The following STUM variants were observed in gnomAD, a reference collection of about 807,000 sequenced individuals.
STUM encodes the protein stum, mechanosensory transduction mediator homolog.
STUM carries 8 observed loss-of-function variants against 15.3 expected under a neutral mutation model. The ratio of observed to expected loss-of-function variants is 0.52; its 90% CI spans 0.31 to 0.94. STUM has a LOEUF of 0.94. Ranked by LOEUF, STUM falls within the 40% of genes least tolerant of loss-of-function variation. STUM has a pLI of 0.05. For missense variants in STUM, 142 were observed against 204.9 expected (o/e 0.69, Z 1.87); for synonymous variants, 78 against 88.7 (o/e 0.88, Z 0.68).
chr1:226,553,505 G>A (rs946418828), intron 1 of STUM, among the ~76,000 whole-genome samples: 1 of 152,202 alleles, frequency 6.6e-6, no homozygotes, highest in East Asian at 1.9e-4. Flanking sequence ...TAAATGGAGT[G>A]GGAAGAAATT....
rs1668367733 is a variant in STUM at position 226,606,831 on chromosome 1, G to A, written c.*4791G>A. Reference sequence around the variant, plus strand: ...AGGGCTCAATGAGCAGCCAGGTAGTGGCCTCGGGCAGTCCTCACCAGGGGG... The same window carrying A: ...AGGGCTCAATGAGCAGCCAGGTAGTAGCCTCGGGCAGTCCTCACCAGGGGG... On this transcript the variant is annotated 3_prime_UTR_variant, in exon 4 of 4. Transcript: ENST00000366788. 1 of 152,246 alleles carries A rather than the reference G, an allele frequency of 6.6e-6. No individual in the cohort carries two copies. The highest frequency in any genetic ancestry group is 2.1e-4 in the South Asian group (1 of 4,828). 9.4% of individuals were successfully genotyped at this position (152,246 alleles called of 1,614,324 possible). A position where few individuals can be genotyped will look rare whatever the true frequency, so the allele number is the denominator to read the frequency against.
intron 1 of STUM, among the ~76,000 whole-genome samples, chr1:226,592,109 G>A (rs1419205715): frequency 6.6e-6 from 1 of 152,186 alleles, no homozygotes; most frequent in Admixed American, 6.5e-5. Flanking sequence ...GTACAGTGGA[G>A]CATTCTTGGC....
intron 1 of STUM, among the ~76,000 whole-genome samples, chr1:226,579,971 T>C (rs1667893158): frequency 6.6e-6 from 1 of 152,188 alleles, no homozygotes; most frequent in African/African-American, 2.4e-5. Flanking sequence ...AGGATAATCA[T>C]ATCTGCATCT....
At chr1:226,561,944 G>A (rs2102689188) in intron 1 of STUM, among the ~76,000 whole-genome samples, 1 of 148,876 alleles carries the variant, frequency 6.7e-6, no homozygotes, top group South Asian at 2.2e-4. Context: ...TGCATTGTGT[G>A]ATTCCACTGA....
chr1:226,569,563 C>A (rs111736712), intron 1 of STUM, among the ~76,000 whole-genome samples: 4,050 of 152,258 alleles, frequency 0.027, 160 homozygotes, highest in African/African-American at 0.09. Flanking sequence ...TCCCTTGGGA[C>A]GCTTGGTAAA....
rs540490327 is a variant in STUM, at chr1:226,598,903, G to A, written c.383-1763G>A. On this transcript the variant is annotated intron_variant, in intron 2 of 3. Transcript: ENST00000366788. ...TGCTGATAAAGACATATCCAAGACTGGGAAGAAAAAGAGGCTTAATGCACT... is the reference window on the plus strand; with the variant it reads ...TGCTGATAAAGACATATCCAAGACTAGGAAGAAAAAGAGGCTTAATGCACT... 1.1e-4 allele frequency among the ~76,000 whole-genome samples: 16 copies of A among 152,314 alleles called. No individual in the cohort carries two copies. The South Asian group carries it at 3.1e-3, about 30-fold the overall frequency.
intron 2 of STUM, among the ~76,000 whole-genome samples, chr1:226,599,745 G>T (rs1377708881): frequency 6.6e-6 from 1 of 152,206 alleles, no homozygotes; most frequent in Non-Finnish European, 1.5e-5. Context: ...ACCCTGTCTT[G>T]GTCATGGGTC....
rs1668314664 is a variant in STUM at position 226,604,014 on chromosome 1, A to C, written c.*1974A>C. 1 of 152,264 alleles carries C rather than the reference A, an allele frequency of 6.6e-6. No individual in the cohort carries two copies. Among genetic ancestry groups the C allele is most frequent in the South Asian group, 2.1e-4 (1 of 4,834 alleles). 9.4% of individuals were successfully genotyped at this position (152,264 alleles called of 1,614,324 possible). A position where few individuals can be genotyped will look rare whatever the true frequency, so the allele number is the denominator to read the frequency against. ...TCAGAGTGGAGCTGCCCCTCTACTC[A>C]GATAAAATAGCTTCAGCTGCAGGAA... On this transcript the variant is annotated 3_prime_UTR_variant, in exon 4 of 4. Coordinates refer to ENST00000366788, the MANE Select transcript of STUM (RefSeq NM_001003665.4). The surrounding 1 kb of genome is among the most constrained non-coding windows in gnomAD (Gnocchi z 4.7).
At position 226,575,208 on chromosome 1, in the gene STUM, G is replaced by T. The variant is rs1238529225; in HGVS notation, c.203-21594G>T. ...TGACCACTGCTCTGCACCTCACAGT[G>T]ATTTGTGAGGACTAGATCAGGCCTA... On this transcript the variant is annotated intron_variant, in intron 1 of 3. Coordinates refer to ENST00000366788, the MANE Select transcript of STUM (RefSeq NM_001003665.4). Among the ~76,000 whole-genome samples, 3 of 152,230 alleles carry T rather than the reference G, an allele frequency of 2.0e-5. No individual in the cohort carries two copies. In the East Asian group the frequency reaches 5.8e-4, roughly 29 times the overall value.
intron 2 of STUM, among the ~76,000 whole-genome samples, chr1:226,599,956 A>G (rs1170213595): frequency 6.6e-6 from 1 of 152,208 alleles, no homozygotes; most frequent in Non-Finnish European, 1.5e-5. Flanking sequence ...TCCCCAAAGT[A>G]TTTTTATATA....
intron 1 of STUM, among the ~76,000 whole-genome samples, chr1:226,560,305 C>G (rs997044416): frequency 6.6e-6 from 1 of 152,190 alleles, no homozygotes; most frequent in African/African-American, 2.4e-5. Flanking sequence ...ACACCTTAAT[C>G]CAGGTGCTCT....
chr1:226,579,552 G>A (rs1667884934), intron 1 of STUM, among the ~76,000 whole-genome samples: 2 of 152,158 alleles, frequency 1.3e-5, no homozygotes, highest in Non-Finnish European at 2.9e-5. Flanking sequence ...GGCCGTGGAG[G>A]CCTCCCCAGG....
At position 226,565,416 on chromosome 1, in the gene STUM, G is replaced by A. The variant is rs1667605812; in HGVS notation, c.202+16310G>A. Among the ~76,000 whole-genome samples the A allele has an allele frequency of 6.6e-6, 1 of 152,104 alleles. No homozygotes were observed. Among genetic ancestry groups the A allele is most frequent in the Admixed American group, 6.5e-5 (1 of 15,272 alleles). On this transcript the variant is annotated intron_variant, in intron 1 of 3. Transcript: ENST00000366788. The surrounding 1 kb of genome is among the most constrained non-coding windows in gnomAD (Gnocchi z 4.4). ...TTAGCACCCCTGACTAGACTGTGGG[G>A]TCCTGAACCACCAGCCTTGGCATAC...
intron 1 of STUM, among the ~76,000 whole-genome samples, chr1:226,583,925 C>T (rs75957868): frequency 6.6e-6 from 1 of 152,192 alleles, no homozygotes; most frequent in African/African-American, 2.4e-5. Context: ...TCTTCTTCCC[C>T]CTCCATTGAC....
At chr1:226,561,842 G>C (rs142340995) in intron 1 of STUM, among the ~76,000 whole-genome samples, 84 of 152,268 alleles carry the variant, frequency 5.5e-4, no homozygotes, top group African/African-American at 1.9e-3. Context: ...GAGAGTGCAG[G>C]AACCAGATAG....
At position 226,606,750 on chromosome 1, in the gene STUM, C is replaced by T. The variant is rs942623331; in HGVS notation, c.*4710C>T. 1.3e-5 allele frequency: 2 copies of T among 152,224 alleles called. No individual in the cohort carries two copies. The highest frequency in any genetic ancestry group is 2.4e-5 in the African/African-American group (1 of 41,438). 9.4% of individuals were successfully genotyped at this position (152,224 alleles called of 1,614,324 possible). On this transcript the variant is annotated 3_prime_UTR_variant, in exon 4 of 4. Coordinates refer to ENST00000366788, the MANE Select transcript of STUM (RefSeq NM_001003665.4). ...GCAGCCTGAAGCCTTTGCTGTCAACCCTCCCAGGAAAGAAGCCGGGCCTCA... is the reference window on the plus strand; with the variant it reads ...GCAGCCTGAAGCCTTTGCTGTCAACTCTCCCAGGAAAGAAGCCGGGCCTCA...
intron 1 of STUM, among the ~76,000 whole-genome samples, chr1:226,578,425 C>T (rs981609538): frequency 1.4e-5 from 2 of 142,504 alleles, no homozygotes; most frequent in Admixed American, 7.4e-5. Flanking sequence ...AGTGCAGTGA[C>T]GCAATCACAG....
intron 2 of STUM, among the ~76,000 whole-genome samples, chr1:226,599,289 C>T (rs866426799): frequency 6.6e-5 from 10 of 152,236 alleles, no homozygotes; most frequent in South Asian, 2.1e-4. Flanking sequence ...CTGCCAGACT[C>T]TTTCACCCAA....
intron 1 of STUM, among the ~76,000 whole-genome samples, chr1:226,551,306 T>C (rs1275650091): frequency 6.6e-6 from 1 of 152,182 alleles, no homozygotes; most frequent in Non-Finnish European, 1.5e-5. Flanking sequence ...CTTGCTCTTC[T>C]GCAGAGCTGA....
Sources: allele counts gnomAD v4.1 joint callset (sites outside exome capture counted in the v4.1 genomes callset), GRCh38; gene constraint gnomAD v4.1.1; non-coding constraint Gnocchi (gnomAD v3.1); transcripts MANE v1.5; gene names NCBI Gene and HGNC (gene_info 2026-07-23, HGNC 2026-07-21).